The following CFAP74 variants were observed in gnomAD, a reference collection of about 807,000 sequenced individuals.
The protein encoded by CFAP74 is cilia and flagella associated protein 74.
In CFAP74, 124 loss-of-function variants were observed where a neutral mutation model predicts 188.9. The ratio of observed to expected loss-of-function variants is 0.66; its 90% CI spans 0.57 to 0.76. The LOEUF is 0.76. CFAP74 is among the 30% of genes least tolerant of loss of function. The pLI, the probability that CFAP74 is intolerant of heterozygous loss-of-function variation, is 0.00. For synonymous variants in CFAP74, 956 were observed against 916.7 expected, an observed-to-expected ratio of 1.04 and a Z score of -0.77; for missense variants, 2,198 against 2,165.2, an observed-to-expected ratio of 1.02 and a Z score of -0.30.
intron 6 of CFAP74, among the ~76,000 whole-genome samples, chr1:1,981,481 C>T (rs371670493): frequency 3.8e-4 from 46 of 121,344 alleles, no homozygotes; most frequent in East Asian, 5.4e-4. Context: ...CGCGGTCACA[C>T]GCGGGGGCAC....
chr1:1,976,659 C>T (rs1656467005), intron 6 of CFAP74, among the ~76,000 whole-genome samples: 1 of 152,212 alleles, frequency 6.6e-6, no homozygotes, highest in South Asian at 2.1e-4. Context: ...TCTCCCGCCT[C>T]AGCCTCTTGA....
At chr1:1,945,829 A>C (rs1407563573) in intron 20 of CFAP74, among the ~76,000 whole-genome samples, 1 of 122,336 alleles carries the variant, frequency 8.2e-6, no homozygotes, top group African/African-American at 2.6e-5. Context: ...CCCTAACTCA[A>C]AAAAAAAAAA....
intron 10 of CFAP74, 38 bp downstream of exon 10, chr1:1,970,621 C>A: frequency 6.4e-7 from 1 of 1,569,184 alleles, no homozygotes; most frequent in East Asian, 2.3e-5. Context: ...ACTGACTGGG[C>A]GGGTGCCTCC....
Position 1,922,272 on chromosome 1 carries a change from G to C in CFAP74, c.*15C>G. The C allele has an allele frequency of 3.1e-6, 5 of 1,597,478 alleles. No individual in the cohort carries two copies. Among genetic ancestry groups the C allele is most frequent in the Non-Finnish European group, 4.3e-6 (5 of 1,168,284 alleles). ...AGGGTGGACAGGAGGGCCCGAGGGT[G>C]CTCTGTGCAGAGGCTTAGGGGCCAG... is the stretch of plus-strand genomic sequence containing the variant. On this transcript the variant is annotated 3_prime_UTR_variant, in exon 39 of 39. Coordinates refer to ENST00000682832, the MANE Select transcript of CFAP74 (RefSeq NM_001304360.2).
At chr1:1,938,171 ACC>A (rs61116534) in intron 25 of CFAP74, among the ~76,000 whole-genome samples, 4 of 144,478 alleles carry the variant, frequency 2.8e-5, no homozygotes, top group African/African-American at 1.0e-4. Flanking sequence ...AACCTTACAC[ACC>A]CACATACAAG....
At chr1:1,998,246 C>A (rs1344582554) in intron 1 of CFAP74, among the ~76,000 whole-genome samples, 1 of 152,088 alleles carries the variant, frequency 6.6e-6, no homozygotes, top group African/African-American at 2.4e-5. Context: ...CCATTGCACT[C>A]CAGCCTGGGT....
In CFAP74 at chr1:1,973,933, C is replaced by A; in HGVS notation, c.674+92G>T. On this transcript the variant is annotated intron_variant, in intron 7 of 38. Coordinates refer to ENST00000682832, the MANE Select transcript of CFAP74 (RefSeq NM_001304360.2). This position sits in a 1 kb window ranked among gnomAD's most constrained non-coding sequence, Gnocchi z 6.2. ...GGTGGATCTGGACAGATGTGGAGGG[C>A]GAGGCTGAATCTGGAGACCCCTGGG... 7.9e-7 allele frequency: 1 copy of A among 1,262,296 alleles called. No homozygotes were observed. Among genetic ancestry groups the A allele is most frequent in the Non-Finnish European group, 1.1e-6 (1 of 938,986 alleles). 78.2% of individuals were successfully genotyped at this position (1,262,296 alleles called of 1,614,324 possible).
In CFAP74 at chr1:1,930,080, C is replaced by G; in HGVS notation, c.3268G>C (p.Gly1090Arg). 1 of 1,529,232 alleles carries G rather than the reference C, an allele frequency of 6.5e-7. No individual in the cohort carries two copies. Among genetic ancestry groups the G allele is most frequent in the Non-Finnish European group, 8.8e-7 (1 of 1,141,644 alleles). The allele number at this position is 1,529,232 out of a possible 1,614,324, so 94.7% of individuals were successfully genotyped here. A position where few individuals can be genotyped will look rare whatever the true frequency, so the allele number is the denominator to read the frequency against. The change falls in exon 26 of 39, where the codon GGG (glycine) becomes CGG (arginine). Residue 1090 changes from glycine to arginine, a missense_variant. Gly to Arg is a moderately radical substitution (Grantham distance 125). Transcript: ENST00000682832. The part of the protein sequence containing the change: ...DSPITISPSV[G>R]TVWPGKRCLV... ...CCCACCTTTCCTGGCCACACGGTCC[C>G]CACTGAGGGCGAGATGGTGATAGGC...
At chr1:1,963,332 TC>T (rs1200498906) in intron 14 of CFAP74, among the ~76,000 whole-genome samples, 6 of 151,610 alleles carry the variant, frequency 4.0e-5, no homozygotes, top group African/African-American at 1.2e-4. Flanking sequence ...GTGCCTGTAA[TC>T]CCAGCTACTG....
chr1:1,925,558 G>A (rs1181218506), intron 33 of CFAP74, among the ~76,000 whole-genome samples: 1 of 152,164 alleles, frequency 6.6e-6, no homozygotes, highest in Non-Finnish European at 1.5e-5. Flanking sequence ...AGGGAGGTGG[G>A]GAGGACTAGG....
At chr1:1,980,588 C>T (rs1656775010) in intron 6 of CFAP74, among the ~76,000 whole-genome samples, 1 of 152,222 alleles carries the variant, frequency 6.6e-6, no homozygotes, top group South Asian at 2.1e-4. Context: ...CTAGGGCCTT[C>T]TTTGGGGGTT....
intron 6 of CFAP74, among the ~76,000 whole-genome samples, chr1:1,982,307 C>T (rs1656949522): frequency 7.2e-6 from 1 of 138,078 alleles, no homozygotes; most frequent in East Asian, 2.3e-4. Flanking sequence ...ACGCAGGACA[C>T]CCAGCCGTGG....
intron 2 of CFAP74, among the ~76,000 whole-genome samples, chr1:1,989,524 G>A (rs1657451873): frequency 6.6e-6 from 1 of 152,152 alleles, no homozygotes; most frequent in Non-Finnish European, 1.5e-5. Flanking sequence ...GCGGTGGCGT[G>A]ATCTTGGCTC....
intron 22 of CFAP74, among the ~76,000 whole-genome samples, chr1:1,941,391 C>T (rs1653365479): frequency 1.3e-5 from 2 of 152,222 alleles, no homozygotes; most frequent in Admixed American, 1.3e-4. Context: ...GACGTCCAGT[C>T]TCCAAAGCAC....
At chr1:1,955,261 G>C in intron 18 of CFAP74, 1 of 1,293,190 alleles carries the variant, frequency 7.7e-7, no homozygotes. Flanking sequence ...GCGGCGGGCT[G>C]CAGGGCAGGA....
At chr1:1,992,993 G>C (rs1221852042) in intron 1 of CFAP74, among the ~76,000 whole-genome samples, 2 of 151,086 alleles carry the variant, frequency 1.3e-5, no homozygotes, top group Admixed American at 1.3e-4. Context: ...TTGAGGTCAG[G>C]AATTTGAGAC....
Position 1,987,023 on chromosome 1 carries a change from G to A in CFAP74, c.309C>T (p.Arg103=), listed in dbSNP as rs765677109. The A allele has an allele frequency of 3.1e-5, 50 of 1,597,686 alleles. No individual in the cohort carries two copies. Among genetic ancestry groups the A allele is most frequent in the South Asian group, 2.6e-4 (24 of 90,800 alleles). ...LFTEKMRGEL[R]ACRQRRDLID... is the part of the protein sequence containing the mutation. ...TCAGGTCCCGCCTCTGCCGACAGGC[G>A]CGCAGCTCCCCTCTGGAACAGGGAA... Residue 103 remains arginine, a synonymous_variant, in exon 5 of 39, where the codon CGC becomes CGT. Coordinates refer to ENST00000682832, the MANE Select transcript of CFAP74 (RefSeq NM_001304360.2).
At chr1:1,971,387 ACG>A (rs1223434072) in intron 9 of CFAP74, among the ~76,000 whole-genome samples, 1 of 151,166 alleles carries the variant, frequency 6.6e-6, no homozygotes, top group African/African-American at 2.5e-5. Context: ...ACATGCACAC[ACG>A]TGCACACACG....
In CFAP74 at chr1:1,939,774, C is replaced by A; in HGVS notation, c.2704-7G>T. ...TGAATCCCACTGGCTTGTTCTGAGACATAAAGGGCACAGGCGCCCTCGCAG... is the reference window on the plus strand; with the variant it reads ...TGAATCCCACTGGCTTGTTCTGAGAAATAAAGGGCACAGGCGCCCTCGCAG... On this transcript the variant is annotated splice_region_variant and splice_polypyrimidine_tract_variant and intron_variant, in intron 23 of 38. Coordinates refer to ENST00000682832, the MANE Select transcript of CFAP74 (RefSeq NM_001304360.2). The A allele has an allele frequency of 6.5e-7, 1 of 1,532,656 alleles. No individual in the cohort carries two copies. Among genetic ancestry groups the A allele is most frequent in the Non-Finnish European group, 8.7e-7 (1 of 1,144,014 alleles). 94.9% of individuals were successfully genotyped at this position (1,532,656 alleles called of 1,614,324 possible). A position where few individuals can be genotyped will look rare whatever the true frequency, so the allele number is the denominator to read the frequency against.
Sources: allele counts gnomAD v4.1 joint callset (sites outside exome capture counted in the v4.1 genomes callset), GRCh38; gene constraint gnomAD v4.1.1; non-coding constraint Gnocchi (gnomAD v3.1); transcripts MANE v1.5; gene names NCBI Gene and HGNC (gene_info 2026-07-23, HGNC 2026-07-21).